Variants in HIPK2 observed in about 807,000 individuals in gnomAD.
HIPK2 encodes homeodomain-interacting protein kinase 2.
In HIPK2, 27 loss-of-function variants were observed where a neutral mutation model predicts 113.7. That is an observed-to-expected ratio of 0.24 (90% CI 0.17 to 0.33). The LOEUF (loss-of-function observed/expected upper bound fraction) is 0.33, where lower values mean the gene tolerates loss of function less well. HIPK2 is among the 10% of genes least tolerant of loss of function. The pLI is 1.00. For missense variants in HIPK2, 1,257 were observed against 1,588.0 expected, an observed-to-expected ratio of 0.79 and a Z score of 3.54; for synonymous variants, 631 against 642.2, an observed-to-expected ratio of 0.98 and a Z score of 0.26.
intron 1 of HIPK2, among the ~76,000 whole-genome samples, chr7:139,741,380 G>A (rs1481193007): frequency 4.6e-5 from 7 of 152,066 alleles, no homozygotes; most frequent in Admixed American, 4.6e-4. Flanking sequence ...CCTTCGTATC[G>A]TCCTGTCCTC....
At chr7:139,710,220 G>A (rs1585405572) in intron 2 of HIPK2, among the ~76,000 whole-genome samples, 1 of 152,270 alleles carries the variant, frequency 6.6e-6, no homozygotes, top group East Asian at 1.9e-4. Context: ...TCTATTGTCA[G>A]GCTTCACTCA....
chr7:139,584,359 G>A (rs1314566456), intron 12 of HIPK2, among the ~76,000 whole-genome samples: 1 of 152,214 alleles, frequency 6.6e-6, no homozygotes, highest in East Asian at 1.9e-4. Flanking sequence ...GTGCAGCAGA[G>A]CTCAGCAGAG....
At chr7:139,741,608 C>T (rs1796100169) in intron 1 of HIPK2, among the ~76,000 whole-genome samples, 1 of 152,142 alleles carries the variant, frequency 6.6e-6, no homozygotes, top group Non-Finnish European at 1.5e-5. Flanking sequence ...ACAGCCTGTT[C>T]CCTCAGCCCC....
At chr7:139,609,535 T>G (rs1315253566) in intron 9 of HIPK2, among the ~76,000 whole-genome samples, 1 of 152,242 alleles carries the variant, frequency 6.6e-6, no homozygotes, top group Non-Finnish European at 1.5e-5. Flanking sequence ...TTGAATACAT[T>G]TATGTCAAAT....
intron 2 of HIPK2, among the ~76,000 whole-genome samples, chr7:139,672,715 C>A (rs968421088): frequency 1.3e-5 from 2 of 152,200 alleles, no homozygotes; most frequent in Non-Finnish European, 2.9e-5. Flanking sequence ...CCGCTTCAGC[C>A]TCCCAAAGTG....
At chr7:139,762,195 A>C (rs1279224954) in intron 1 of HIPK2, among the ~76,000 whole-genome samples, 2 of 152,186 alleles carry the variant, frequency 1.3e-5, no homozygotes, top group South Asian at 2.1e-4. Flanking sequence ...ACAACCCCCA[A>C]GTTGGAACTT....
At chr7:139,648,691 A>AGCCC (rs1213009722) in intron 2 of HIPK2, among the ~76,000 whole-genome samples, 2 of 152,156 alleles carry the variant, frequency 1.3e-5, no homozygotes, top group Non-Finnish European at 2.9e-5. Flanking sequence ...CCTTCTCATC[A>AGCCC]GCCCCGTCTG....
In HIPK2 at chr7:139,717,000, A is replaced by C; in HGVS notation, c.35T>G (p.Val12Gly). 1 of 1,610,528 alleles carries C rather than the reference A, an allele frequency of 6.2e-7. No homozygotes were observed. The highest frequency in any genetic ancestry group is 8.5e-7 in the Non-Finnish European group (1 of 1,176,962). ...AAGGGTGTGAGGGGAGAAAACTTGC[A>C]CATGTGAGGCCATACCTACAAGGAA... Reference protein sequence around the residue: ...APVYEGMASHVQVFSPHTLQS... With the variant: ...APVYEGMASHGQVFSPHTLQS... The change falls in exon 2 of 15, where the codon GTG (valine) becomes GGG (glycine). Residue 12 changes from valine to glycine, a missense_variant. Physicochemically the swap from Val to Gly is moderately radical, Grantham distance 109. This residue lies in a region of HIPK2 where 209 missense variants were observed against 237.8 expected (regional missense o/e 0.88). Coordinates refer to ENST00000406875, the MANE Select transcript of HIPK2 (RefSeq NM_022740.5). This position sits in a 1 kb window ranked among gnomAD's most constrained non-coding sequence, Gnocchi z 9.3.
chr7:139,693,550 G>A (rs1585387060), intron 2 of HIPK2, among the ~76,000 whole-genome samples: 1 of 114,356 alleles, frequency 8.7e-6, no homozygotes, highest in African/African-American at 2.8e-5. Context: ...GGTTTCCTCA[G>A]ACTCAATTTT....
At chr7:139,599,347 A>C (rs1799338419) in intron 11 of HIPK2, among the ~76,000 whole-genome samples, 1 of 152,164 alleles carries the variant, frequency 6.6e-6, no homozygotes, top group Admixed American at 6.5e-5. Flanking sequence ...CCCCCCCTAC[A>C]ATCCAGACTT....
At chr7:139,702,808 C>A (rs1037345434) in intron 2 of HIPK2, among the ~76,000 whole-genome samples, 1 of 152,206 alleles carries the variant, frequency 6.6e-6, no homozygotes, top group East Asian at 1.9e-4. Flanking sequence ...CTTGCAAAGT[C>A]CTGCTATTTC....
intron 1 of HIPK2, among the ~76,000 whole-genome samples, chr7:139,719,256 G>A (rs533460601): frequency 2.0e-5 from 3 of 152,052 alleles, no homozygotes; most frequent in South Asian, 4.2e-4. Flanking sequence ...ACAGGTGTGC[G>A]CCACCACGCC....
Position 139,567,862 on chromosome 7 carries a change from T to C in HIPK2, c.*5065A>G, listed in dbSNP as rs899160351. ...CTTGACAGGCCAACAAGAGTGGTGG[T>C]CCCACACCCCACCCTGCCCTCAGCA... On this transcript the variant is annotated 3_prime_UTR_variant, in exon 15 of 15. Transcript: ENST00000406875. 2 of 152,222 alleles carry C rather than the reference T, an allele frequency of 1.3e-5. No homozygotes were observed. Among genetic ancestry groups the C allele is most frequent in the East Asian group, 3.9e-4 (2 of 5,190 alleles). The allele number at this position is 152,222 out of a possible 1,614,324, so 9.4% of individuals were successfully genotyped here.
chr7:139,663,937 A>C (rs1342582765), intron 2 of HIPK2, among the ~76,000 whole-genome samples: 1 of 152,184 alleles, frequency 6.6e-6, no homozygotes, highest in East Asian at 1.9e-4. Flanking sequence ...GACTTCTGCC[A>C]AGCCAGTGTC....
Position 139,566,748 on chromosome 7 carries a change from C to T in HIPK2, c.*6179G>A, listed in dbSNP as rs556055563. ...GCCCGGGAGTCATGAAAGCATTCAA[C>T]AAATGTTGGCTATTATTTACTTGAG... On this transcript the variant is annotated 3_prime_UTR_variant, in exon 15 of 15. Coordinates refer to ENST00000406875, the MANE Select transcript of HIPK2 (RefSeq NM_022740.5). This position sits in a 1 kb window ranked among gnomAD's most constrained non-coding sequence, Gnocchi z 4.1. 10 of 152,232 alleles carry T rather than the reference C, an allele frequency of 6.6e-5. No individual in the cohort carries two copies. Among genetic ancestry groups the T allele is most frequent in the Non-Finnish European group, 1.2e-4 (8 of 68,050 alleles). The allele number at this position is 152,232 out of a possible 1,614,324, so 9.4% of individuals were successfully genotyped here. A position where few individuals can be genotyped will look rare whatever the true frequency, so the allele number is the denominator to read the frequency against.
At chr7:139,614,197 A>C in intron 8 of HIPK2, 89 bp downstream of exon 8, 1 of 1,180,414 alleles carries the variant, frequency 8.5e-7, no homozygotes, top group Non-Finnish European at 1.1e-6. Context: ...TTCTCCATGA[A>C]AATGAGCGTG....
At chr7:139,737,092 C>T (rs1011619661) in intron 1 of HIPK2, among the ~76,000 whole-genome samples, 19 of 152,170 alleles carry the variant, frequency 1.2e-4, no homozygotes, top group African/African-American at 4.3e-4. Flanking sequence ...CTATCAGCTC[C>T]ATTTCCACTC....
intron 12 of HIPK2, among the ~76,000 whole-genome samples, chr7:139,586,617 A>G (rs537994421): frequency 5.9e-5 from 9 of 152,130 alleles, no homozygotes; most frequent in Non-Finnish European, 1.2e-4. Flanking sequence ...AACAATTAAA[A>G]AAATAAGCAA....
chr7:139,749,414 C>T (rs555373456), intron 1 of HIPK2, among the ~76,000 whole-genome samples: 5 of 152,188 alleles, frequency 3.3e-5, no homozygotes. Context: ...TGCTAGAAAA[C>T]CTGGCTTGAA....
Sources: gnomAD v4.1 joint callset for allele counts (sites outside exome capture counted in the v4.1 genomes callset) on GRCh38, gnomAD v4.1.1 for gene constraint, gnomAD v4.1.1 regional missense constraint, Gnocchi (gnomAD v3.1) non-coding constraint, MANE v1.5 for transcripts, NCBI Gene and HGNC (gene_info 2026-07-23, HGNC 2026-07-21) for gene names.